Variants in TESK2 observed in about 807,000 individuals in gnomAD.
TESK2 encodes the protein testis associated actin remodelling kinase 2, also known as dual specificity testis-specific protein kinase 2.
Under a neutral mutation model 57.1 loss-of-function variants are expected in TESK2, and 39 were observed. That is an observed-to-expected ratio of 0.68 (90% CI 0.53 to 0.89). The LOEUF is 0.89. TESK2 is among the 40% of genes least tolerant of loss of function. TESK2 has a pLI of 0.00. For missense variants in TESK2, 646 were observed against 732.1 expected (o/e 0.88, Z 1.36); for synonymous variants, 249 against 267.9 (o/e 0.93, Z 0.69).
At chr1:45,466,761 G>C (rs1197146338) in intron 1 of TESK2, among the ~76,000 whole-genome samples, 1 of 150,892 alleles carries the variant, frequency 6.6e-6, no homozygotes. Context: ...TCAAATCCTT[G>C]CTCCGTAACT....
At chr1:45,486,671 T>TA (rs200184311) in intron 1 of TESK2, among the ~76,000 whole-genome samples, 13 of 135,612 alleles carry the variant, frequency 9.6e-5, no homozygotes, top group Admixed American at 5.3e-4. Context: ...CAAGACCCCA[T>TA]AAAAAAAAAT....
intron 1 of TESK2, among the ~76,000 whole-genome samples, chr1:45,486,261 T>A (rs1653471701): frequency 6.6e-6 from 1 of 152,162 alleles, no homozygotes; most frequent in African/African-American, 2.4e-5. Flanking sequence ...GAGATGAAAT[T>A]CCCATAAATG....
chr1:45,399,043 A>T (rs1649482530), intron 3 of TESK2: 3 of 417,076 alleles, frequency 7.2e-6, no homozygotes, highest in South Asian at 5.3e-5. Flanking sequence ...CACCTGGACA[A>T]CATATACCAT....
chr1:45,475,085 A>AAAAAAAAAAAAG (rs1557588075), intron 1 of TESK2, among the ~76,000 whole-genome samples: 2 of 146,118 alleles, frequency 1.4e-5, no homozygotes, highest in Non-Finnish European at 1.5e-5. Flanking sequence ...AAAAAAAAGA[A>AAAAAAAAAAAAG]AAGAAAAGAA....
At chr1:45,453,250 A>T (rs1351396085) in intron 2 of TESK2, among the ~76,000 whole-genome samples, 1 of 149,290 alleles carries the variant, frequency 6.7e-6, no homozygotes, top group Non-Finnish European at 1.5e-5. Flanking sequence ...GGGAGGCTGA[A>T]GTGGGAGGAT....
At chr1:45,464,422 TAAAAAA>T (rs34547506) in intron 1 of TESK2, among the ~76,000 whole-genome samples, 1 of 121,094 alleles carries the variant, frequency 8.3e-6, no homozygotes, top group Non-Finnish European at 1.8e-5. Context: ...AGACACTGGA[TAAAAAA>T]AAAAAAAAAA....
intron 2 of TESK2, among the ~76,000 whole-genome samples, chr1:45,431,863 A>G (rs72894331): frequency 0.05 from 7,577 of 152,244 alleles, 672 homozygotes; most frequent in African/African-American, 0.17. Context: ...ATGGTGAGAA[A>G]CTGGGTTTGG....
chr1:45,375,079 T>C (rs1648347666), intron 4 of TESK2, among the ~76,000 whole-genome samples: 1 of 152,224 alleles, frequency 6.6e-6, no homozygotes, highest in African/African-American at 2.4e-5. Context: ...AACAGTCTCT[T>C]AACTGGTTTT....
chr1:45,485,219 C>G (rs1653413562), intron 1 of TESK2, among the ~76,000 whole-genome samples: 1 of 148,608 alleles, frequency 6.7e-6, no homozygotes, highest in East Asian at 2.0e-4. Flanking sequence ...GATGGAGTCT[C>G]GCTCTGTCGC....
chr1:45,432,418 A>G (rs571018094), intron 2 of TESK2, among the ~76,000 whole-genome samples: 58 of 151,986 alleles, frequency 3.8e-4, no homozygotes, highest in East Asian at 3.6e-3. Flanking sequence ...TTGTCCAGGC[A>G]CGGTGGCTCA....
intron 1 of TESK2, among the ~76,000 whole-genome samples, chr1:45,465,260 A>G (rs1652497742): frequency 6.6e-6 from 1 of 151,846 alleles, no homozygotes. Context: ...AAGAAAAGAA[A>G]ATTAACCAGG....
At chr1:45,429,745 A>C (rs766032381) in intron 2 of TESK2, among the ~76,000 whole-genome samples, 1 of 152,170 alleles carries the variant, frequency 6.6e-6, no homozygotes, top group Non-Finnish European at 1.5e-5. Flanking sequence ...CAATCACCCA[A>C]ACTGACCAGC....
chr1:45,368,301 T>C (rs745477058), intron 4 of TESK2, among the ~76,000 whole-genome samples: 2 of 151,826 alleles, frequency 1.3e-5, no homozygotes, highest in African/African-American at 4.8e-5. Context: ...GGCCTGACCA[T>C]TGTAATATCT....
At chr1:45,390,386 C>T (rs1649086029) in intron 3 of TESK2, among the ~76,000 whole-genome samples, 1 of 151,992 alleles carries the variant, frequency 6.6e-6, no homozygotes, top group Non-Finnish European at 1.5e-5. Context: ...ATCACTTTAG[C>T]CAGGGAGGCA....
chr1:45,414,620 G>A (rs1000302739), intron 3 of TESK2, among the ~76,000 whole-genome samples: 1 of 152,176 alleles, frequency 6.6e-6, no homozygotes, highest in African/African-American at 2.4e-5. Context: ...GAATGGTAAT[G>A]TTGGTCTCAT....
intron 3 of TESK2, among the ~76,000 whole-genome samples, chr1:45,418,506 T>C (rs1650339508): frequency 6.6e-6 from 1 of 152,224 alleles, no homozygotes; most frequent in Admixed American, 6.5e-5. Flanking sequence ...TCCACCTTTA[T>C]CTACCAATAC....
At chr1:45,432,112 G>T (rs1188451607) in intron 2 of TESK2, among the ~76,000 whole-genome samples, 1 of 151,934 alleles carries the variant, frequency 6.6e-6, no homozygotes, top group East Asian at 2.0e-4. Context: ...ACCCAGGCAT[G>T]GTGGTGCATG....
intron 2 of TESK2, among the ~76,000 whole-genome samples, chr1:45,422,385 T>C (rs1308406598): frequency 1.3e-5 from 2 of 152,156 alleles, no homozygotes; most frequent in Non-Finnish European, 2.9e-5. Flanking sequence ...TTCTTTTTTT[T>C]AGAAGAAATA....
chr1:45,449,074 T>G (rs1400744949), intron 2 of TESK2, among the ~76,000 whole-genome samples: 4 of 151,710 alleles, frequency 2.6e-5, no homozygotes, highest in Non-Finnish European at 5.9e-5. Context: ...AACACAAAAA[T>G]TAGCTGGGCG....
Sources: allele counts gnomAD v4.1 joint callset (sites outside exome capture counted in the v4.1 genomes callset), GRCh38; gene constraint gnomAD v4.1.1; transcripts MANE v1.5; gene names NCBI Gene and HGNC (gene_info 2026-07-23, HGNC 2026-07-21).